Variants in TMEM52B observed in about 807,000 individuals in gnomAD.
The protein encoded by TMEM52B is transmembrane protein 52B, also known as chromosome 12 open reading frame 59.
A neutral mutation model predicts 16.1 loss-of-function variants in TMEM52B; 11 were observed. That is an observed-to-expected ratio of 0.68 (90% CI 0.43 to 1.13). TMEM52B has a LOEUF of 1.13. Ranked by LOEUF, TMEM52B falls within the 50% of genes most tolerant of loss-of-function variation. The pLI, the probability that TMEM52B is intolerant of heterozygous loss-of-function variation, is 0.00. For synonymous variants in TMEM52B, 101 were observed against 93.8 expected, an observed-to-expected ratio of 1.08 and a Z score of -0.45; for missense variants, 243 against 230.4, an observed-to-expected ratio of 1.05 and a Z score of -0.35.
upstream of TMEM52B, among the ~76,000 whole-genome samples, chr12:10,178,570 T>C (rs1022818111): frequency 9.2e-5 from 14 of 151,852 alleles, no homozygotes; most frequent in Admixed American, 7.9e-4. Flanking sequence ...TGTGTGCTTG[T>C]TTTTACTCTA....
upstream of TMEM52B, among the ~76,000 whole-genome samples, chr12:10,177,577 C>T (rs1164376798): frequency 1.3e-5 from 2 of 151,704 alleles, no homozygotes; most frequent in African/African-American, 2.4e-5. Context: ...TTATCCCAGC[C>T]TGGCCAATAT....
At chr12:10,188,061 T>C (rs1228204379) in intron 4 of TMEM52B, among the ~76,000 whole-genome samples, 1 of 152,148 alleles carries the variant, frequency 6.6e-6, no homozygotes, top group African/African-American at 2.4e-5. Flanking sequence ...ATCGTGCCAC[T>C]GCACTCCAGC....
At chr12:10,189,840 T>C in intron 4 of TMEM52B, 56 bp from the exon 5 acceptor site, 1 of 1,599,258 alleles carries the variant, frequency 6.3e-7, no homozygotes, top group Non-Finnish European at 8.5e-7. Context: ...GTCTCTGCTG[T>C]CTGAGGGTGT....
At chr12:10,182,514 C>T (rs1379356258) in intron 1 of TMEM52B, 36 bp from the exon 2 acceptor site, 2 of 1,530,676 alleles carry the variant, frequency 1.3e-6, no homozygotes, top group Non-Finnish European at 1.7e-6. Context: ...GTGGCCAAAA[C>T]AATTTCCCTG....
chr12:10,171,323 G>A (rs545824609), intron 1 of TMEM52B, among the ~76,000 whole-genome samples: 29 of 152,206 alleles, frequency 1.9e-4, no homozygotes, highest in African/African-American at 7.0e-4. Context: ...AGAATAAAAG[G>A]CAATTTACCC....
upstream of TMEM52B, chr12:10,175,391 G>C (rs1948758467): frequency 1.3e-5 from 2 of 152,110 alleles, no homozygotes; most frequent in African/African-American, 4.8e-5. Flanking sequence ...CATGATGAGA[G>C]TGCAACCCAG....
In TMEM52B at chr12:10,189,945, T is replaced by C. The variant is rs377591052; in HGVS notation, c.357T>C (p.Ala119=). ...GPAARRILAV[A]HSHSSLGQLP... ...CAGCTCGGAGGATCCTGGCTGTGGC[T>C]CACTCCCACAGCTCCCTGGGCCAGC... Residue 119 remains alanine, a synonymous_variant, in exon 5 of 5, where the codon GCT becomes GCC. Transcript: ENST00000543484. 9.3e-6 allele frequency: 15 copies of C among 1,614,052 alleles called. No homozygotes were observed. In the African/African-American group the frequency reaches 1.9e-4, roughly 20 times the overall value.
intron 3 of TMEM52B, 94 bp downstream of exon 3, chr12:10,185,462 A>C: frequency 1.1e-6 from 1 of 918,318 alleles, no homozygotes; most frequent in South Asian, 1.3e-5. Flanking sequence ...TCATGGAGTA[A>C]GATTTCATTA....
At chr12:10,173,011 T>A (rs879496191) in intron 1 of TMEM52B, among the ~76,000 whole-genome samples, 11 of 152,208 alleles carry the variant, frequency 7.2e-5, no homozygotes, top group Non-Finnish European at 1.2e-4. Flanking sequence ...GCTTTGTACT[T>A]GGAGCATAAT....
At position 10,190,118 on chromosome 12, in the gene TMEM52B, G is replaced by C. The variant is rs1020176951; in HGVS notation, c.530G>C (p.Arg177Pro). Residue 177 changes from arginine to proline, a missense_variant, in exon 5 of 5, where the codon CGA becomes CCA. Physicochemically the swap from Arg to Pro is moderately radical, Grantham distance 103. Transcript: ENST00000543484. ...QLPPTEKEST[R>P]IVDSWN ...CCTCCAACAGAGAAGGAGTCGACTC[G>C]AATAGTTGACTCTTGGAACTGATGA... The C allele has an allele frequency of 1.2e-6, 2 of 1,614,024 alleles. No individual in the cohort carries two copies. Among genetic ancestry groups the C allele is most frequent in the Non-Finnish European group, 1.7e-6 (2 of 1,180,034 alleles).
upstream of TMEM52B, among the ~76,000 whole-genome samples, chr12:10,177,501 C>T (rs1197633209): frequency 1.3e-5 from 2 of 152,044 alleles, no homozygotes; most frequent in East Asian, 3.9e-4. Flanking sequence ...TAGAAAGGTC[C>T]TGAAAGGAGG....
At position 10,189,515 on chromosome 12, in the gene TMEM52B, T is replaced by C. The variant is rs186354749; in HGVS notation, c.308-381T>C. ...GGCGGGCGCCTGTAATCCCAGCTACTTGGGAGGCTGAGGCAGGAGAATCAC... is the reference window on the plus strand; with the variant it reads ...GGCGGGCGCCTGTAATCCCAGCTACCTGGGAGGCTGAGGCAGGAGAATCAC... On this transcript the variant is annotated intron_variant, in intron 4 of 4. Coordinates refer to ENST00000543484, the MANE Select transcript of TMEM52B (RefSeq NM_001384896.1). Among the ~76,000 whole-genome samples, 7 of 151,166 alleles carry C rather than the reference T, an allele frequency of 4.6e-5. No homozygotes were observed. In the East Asian group the frequency reaches 1.4e-3, roughly 30 times the overall value.
chr12:10,184,229 G>A (rs1948854670), intron 2 of TMEM52B, among the ~76,000 whole-genome samples: 1 of 152,190 alleles, frequency 6.6e-6, no homozygotes, highest in Non-Finnish European at 1.5e-5. Flanking sequence ...CTTCCCACAT[G>A]CTTTGCTCTA....
chr12:10,177,037 T>C (rs954941706), upstream of TMEM52B, among the ~76,000 whole-genome samples: 3 of 152,188 alleles, frequency 2.0e-5, no homozygotes, highest in Non-Finnish European at 4.4e-5. Flanking sequence ...TTTTATTTTC[T>C]CTAGGAAATA....
intron 3 of TMEM52B, among the ~76,000 whole-genome samples, chr12:10,186,072 A>G (rs1948875933): frequency 6.6e-6 from 1 of 151,658 alleles, no homozygotes. Context: ...GTGTGGTGGC[A>G]TGTGCCTATA....
At chr12:10,186,291 A>T in intron 3 of TMEM52B, 129 bp from the exon 4 acceptor site, 1 of 597,160 alleles carries the variant, frequency 1.7e-6, no homozygotes, top group Non-Finnish European at 2.4e-6. Flanking sequence ...ATTATAAATT[A>T]AAATATTTAT....
intron 4 of TMEM52B, among the ~76,000 whole-genome samples, chr12:10,187,126 G>T (rs2137557896): frequency 1.1e-5 from 1 of 88,642 alleles, no homozygotes; most frequent in African/African-American, 5.4e-5. Context: ...TTTTTGAGAT[G>T]GAGTCTTGTT....
upstream of TMEM52B, among the ~76,000 whole-genome samples, chr12:10,178,032 A>T (rs1948780919): frequency 2.7e-5 from 4 of 150,538 alleles, no homozygotes; most frequent in African/African-American, 9.7e-5. Context: ...AGTAGTTGGG[A>T]TTACAGGTGC....
intron 1 of TMEM52B, among the ~76,000 whole-genome samples, chr12:10,171,168 C>A (rs35863710): frequency 2.3e-3 from 348 of 152,310 alleles, no homozygotes; most frequent in African/African-American, 7.7e-3. Flanking sequence ...TTAAATCACT[C>A]CATGCTCACA....
Sources: gnomAD v4.1 joint callset for allele counts (sites outside exome capture counted in the v4.1 genomes callset) on GRCh38, gnomAD v4.1.1 for gene constraint, MANE v1.5 for transcripts, NCBI Gene and HGNC (gene_info 2026-07-23, HGNC 2026-07-21) for gene names.